NAV2: variants seen among roughly 807,000 people sequenced by gnomAD.
NAV2 encodes helicase, APC down-regulated 1.
Under a neutral mutation model 223.2 loss-of-function variants are expected in NAV2, and 54 were observed. The ratio of observed to expected loss-of-function variants is 0.24; its 90% CI spans 0.19 to 0.30. The LOEUF (loss-of-function observed/expected upper bound fraction) is 0.30. Ranked by LOEUF, NAV2 falls within the 10% of genes least tolerant of loss-of-function variation. The pLI is 1.00. For missense variants in NAV2, 2,806 were observed against 3,147.5 expected (o/e 0.89, Z 2.60); for synonymous variants, 1,279 against 1,239.3 (o/e 1.03, Z -0.67).
intron 1 of NAV2, among the ~76,000 whole-genome samples, chr11:19,717,510 T>C (rs909795835): frequency 6.6e-6 from 1 of 152,172 alleles, no homozygotes; most frequent in Admixed American, 6.5e-5. Flanking sequence ...ATGAATGTGA[T>C]AGTGGAGAAT....
intron 3 of NAV2, among the ~76,000 whole-genome samples, chr11:19,857,198 G>A (rs931558811): frequency 2.6e-5 from 4 of 152,224 alleles, no homozygotes; most frequent in Admixed American, 6.5e-5. Flanking sequence ...AGGATCTGAT[G>A]TCTTATTTAA....
At position 19,979,456 on chromosome 11, in the gene NAV2, C is replaced by A. The variant is rs908302793; in HGVS notation, c.2646-4669C>A. ...AACTACTTACCCTTCTCTGAACATA[C>A]CTTCCCCTCTGCCATTTCTCTCTGC... On this transcript the variant is annotated intron_variant, in intron 10 of 37. Coordinates refer to ENST00000349880, the MANE Select transcript of NAV2 (RefSeq NM_145117.5). 5.9e-5 allele frequency among the ~76,000 whole-genome samples: 9 copies of A among 152,142 alleles called. No individual in the cohort carries two copies. In the East Asian group the frequency reaches 1.5e-3, roughly 26 times the overall value.
intron 22 of NAV2, among the ~76,000 whole-genome samples, chr11:20,069,498 G>A (rs762803850): frequency 6.6e-6 from 1 of 152,142 alleles, no homozygotes; most frequent in East Asian, 1.9e-4. Flanking sequence ...TTTAGATAGA[G>A]GATCAGAGTA....
At chr11:19,365,749 C>A (rs1051300815) in intron 1 of NAV2, among the ~76,000 whole-genome samples, 4 of 152,222 alleles carry the variant, frequency 2.6e-5, no homozygotes, top group Non-Finnish European at 4.4e-5. Context: ...GTTTTCCCTT[C>A]TGTCTGCTTT....
At chr11:19,584,855 G>A (rs2045842301) in intron 1 of NAV2, among the ~76,000 whole-genome samples, 1 of 152,244 alleles carries the variant, frequency 6.6e-6, no homozygotes, top group Non-Finnish European at 1.5e-5. Flanking sequence ...TGTATATTCT[G>A]TTGATTTGGG....
chr11:19,703,508 C>T (rs796963053), intron 1 of NAV2, among the ~76,000 whole-genome samples: 5 of 152,296 alleles, frequency 3.3e-5, no homozygotes, highest in South Asian at 2.1e-4. Context: ...GGTAGAGTAA[C>T]GAGTAAGGGT....
chr11:19,820,769 C>T (rs184841116), intron 1 of NAV2, among the ~76,000 whole-genome samples: 65 of 152,270 alleles, frequency 4.3e-4, no homozygotes, highest in African/African-American at 1.4e-3. Context: ...GTGACAAGGG[C>T]AGCTCTAAAT....
intron 1 of NAV2, among the ~76,000 whole-genome samples, chr11:19,818,445 A>C (rs1443074685): frequency 6.6e-6 from 1 of 151,986 alleles, no homozygotes. Context: ...TATTTCCCTC[A>C]TACAGATATA....
At position 19,461,926 on chromosome 11, in the gene NAV2, C is replaced by T. The variant is rs1181703935; in HGVS notation, c.75+110899C>T. Reference sequence around the variant, plus strand: ...ATTCCAGCAATTCTCCTGCCTCAGCCTCCTGAGTAGCTGAGATTACAGGCA... The same window carrying T: ...ATTCCAGCAATTCTCCTGCCTCAGCTTCCTGAGTAGCTGAGATTACAGGCA... On this transcript the variant is annotated intron_variant, in intron 1 of 37. Transcript: ENST00000360655. 3.9e-5 allele frequency among the ~76,000 whole-genome samples: 6 copies of T among 152,292 alleles called. No homozygotes were observed. The Middle Eastern group carries it at 0.01, about 259-fold the overall frequency.
intron 1 of NAV2, among the ~76,000 whole-genome samples, chr11:19,360,792 T>C (rs1853891614): frequency 6.6e-6 from 1 of 152,184 alleles, no homozygotes; most frequent in Non-Finnish European, 1.5e-5. Flanking sequence ...AGGGGAGTGA[T>C]GGAATCATCT....
intron 10 of NAV2, among the ~76,000 whole-genome samples, chr11:19,961,363 T>G (rs2048341705): frequency 6.6e-6 from 1 of 152,184 alleles, no homozygotes; most frequent in African/African-American, 2.4e-5. Context: ...ATGGGAAGGT[T>G]GGAGAATACC....
At chr11:19,728,829 G>T (rs748085860) in intron 1 of NAV2, among the ~76,000 whole-genome samples, 1 of 152,214 alleles carries the variant, frequency 6.6e-6, no homozygotes, top group African/African-American at 2.4e-5. Flanking sequence ...AAATGAGATG[G>T]CAGTGCTCTA....
chr11:19,869,401 T>C (rs2153048687), intron 4 of NAV2, among the ~76,000 whole-genome samples: 1 of 152,338 alleles, frequency 6.6e-6, no homozygotes, highest in East Asian at 1.9e-4. Flanking sequence ...AATCCTTATC[T>C]CTTTTATTCG....
At chr11:19,539,157 G>A (rs548274749) in intron 1 of NAV2, among the ~76,000 whole-genome samples, 14 of 152,266 alleles carry the variant, frequency 9.2e-5, no homozygotes, top group African/African-American at 1.4e-4. Flanking sequence ...CTAATTCTAC[G>A]TACTGAGCCT....
At chr11:19,754,173 C>G (rs1181865794) in intron 1 of NAV2, among the ~76,000 whole-genome samples, 1 of 152,124 alleles carries the variant, frequency 6.6e-6, no homozygotes, top group African/African-American at 2.4e-5. Context: ...CTTTTCAATG[C>G]CCTTCCTCCC....
chr11:19,756,532 T>C (rs1433754879), intron 1 of NAV2, among the ~76,000 whole-genome samples: 1 of 152,234 alleles, frequency 6.6e-6, no homozygotes, highest in Non-Finnish European at 1.5e-5. Flanking sequence ...CCCAGGAATC[T>C]GATTGGCTCC....
chr11:19,403,475 C>T (rs563171136), intron 1 of NAV2, among the ~76,000 whole-genome samples: 107 of 152,290 alleles, frequency 7.0e-4, no homozygotes, highest in African/African-American at 2.4e-3. Flanking sequence ...GTTAGCCTAG[C>T]AAGAGGAATG....
chr11:19,754,342 G>C (rs371986859), intron 1 of NAV2, among the ~76,000 whole-genome samples: 1 of 152,190 alleles, frequency 6.6e-6, no homozygotes, highest in African/African-American at 2.4e-5. Flanking sequence ...ACAAAGTTGG[G>C]AGAAGGGAAG....
chr11:19,558,242 C>A (rs758807198), intron 1 of NAV2, among the ~76,000 whole-genome samples: 2 of 152,176 alleles, frequency 1.3e-5, no homozygotes, highest in Non-Finnish European at 2.9e-5. Context: ...CGTATTTGCT[C>A]ACGATTCTGC....
Sources: allele counts gnomAD v4.1 joint callset (sites outside exome capture counted in the v4.1 genomes callset), GRCh38; gene constraint gnomAD v4.1.1; transcripts MANE v1.5; gene names NCBI Gene and HGNC (gene_info 2026-07-23, HGNC 2026-07-21).